The following LAMC1 variants were observed in gnomAD, a reference collection of about 807,000 sequenced individuals.
The protein encoded by LAMC1 is laminin subunit gamma 1, also known as laminin subunit gamma-1.
In LAMC1, 38 loss-of-function variants were observed where a neutral mutation model predicts 173.6. The observed-to-expected ratio is 0.22, with a 90% CI of 0.17 to 0.29. LAMC1 has a LOEUF of 0.29. Among genes scored for constraint, LAMC1 ranks in the 10% least tolerant of loss-of-function variants. LAMC1 has a pLI of 1.00. For missense variants in LAMC1, 1,824 were observed against 2,051.8 expected, an observed-to-expected ratio of 0.89 and a Z score of 2.14; for synonymous variants, 746 against 749.1, an observed-to-expected ratio of 1.00 and a Z score of 0.07.
chr1:183,085,629 C>G (rs1655407253), intron 1 of LAMC1, among the ~76,000 whole-genome samples: 1 of 152,042 alleles, frequency 6.6e-6, no homozygotes. Flanking sequence ...CTTGGCCTCC[C>G]AAAATGCTAG....
chr1:183,094,845 T>G (rs1185687673), intron 1 of LAMC1, among the ~76,000 whole-genome samples: 1 of 151,656 alleles, frequency 6.6e-6, no homozygotes, highest in East Asian at 1.9e-4. Flanking sequence ...ATTGGAGGGG[T>G]TTTTTTGTTT....
chr1:183,137,638 TA>T (rs1558061657), intron 25 of LAMC1, 30 bp from the exon 26 acceptor site: 2 of 1,490,002 alleles, frequency 1.3e-6, no homozygotes, highest in Admixed American at 2.4e-5. Flanking sequence ...AAAGCTTTTT[TA>T]AAAAAAGTAC....
intron 1 of LAMC1, among the ~76,000 whole-genome samples, chr1:183,094,011 A>G (rs1318820137): frequency 6.6e-6 from 1 of 152,180 alleles, no homozygotes; most frequent in African/African-American, 2.4e-5. Context: ...AAAACTCTCC[A>G]GTGGGTTCTC....
At chr1:183,132,648 G>T in intron 21 of LAMC1, 111 bp downstream of exon 21, 1 of 777,768 alleles carries the variant, frequency 1.3e-6, no homozygotes. Flanking sequence ...CATGCAGTAA[G>T]ATTTCCTTTG....
chr1:183,025,478 A>G (rs1377391352), intron 1 of LAMC1, among the ~76,000 whole-genome samples: 5 of 152,226 alleles, frequency 3.3e-5, no homozygotes, highest in African/African-American at 1.2e-4. Flanking sequence ...TGATACTATG[A>G]GGTATCTGTT....
rs1656609280 is a variant in LAMC1, at chr1:183,126,064, A to AT, written c.2802-56_2802-55insT. Reference sequence around the variant, plus strand: ...CAGTGCTATACTAAAAAAAAAAAAAAGTTGTGCTTAAAGTCTGTTTTTCTT... The same window carrying AT: ...CAGTGCTATACTAAAAAAAAAAAAAATGTTGTGCTTAAAGTCTGTTTTTCTT... On this transcript the variant is annotated intron_variant, in intron 15 of 27. Transcript: ENST00000258341. 4 of 1,529,372 alleles carry AT rather than the reference A, an allele frequency of 2.6e-6. No homozygotes were observed. The African/African-American group carries it at 4.3e-5, about 16-fold the overall frequency. 94.7% of individuals were successfully genotyped at this position (1,529,372 alleles called of 1,614,324 possible).
rs1657156370 is a variant in LAMC1 at position 183,142,953 on chromosome 1, A to G, written c.*163A>G. ...AAGTCACAGAGTTTAAAGAGAAGCA[A>G]ATTAAACATCCTGAATCGGGAACAA... On this transcript the variant is annotated 3_prime_UTR_variant, in exon 28 of 28. Transcript: ENST00000258341. The G allele has an allele frequency of 2.9e-6, 2 of 683,352 alleles. No homozygotes were observed. The highest frequency in any genetic ancestry group is 1.8e-5 in the African/African-American group (1 of 55,292). The allele number at this position is 683,352 out of a possible 1,614,324, so 42.3% of individuals were successfully genotyped here.
At chr1:183,092,032 G>A (rs944872798) in intron 1 of LAMC1, among the ~76,000 whole-genome samples, 2 of 152,222 alleles carry the variant, frequency 1.3e-5, no homozygotes, top group Non-Finnish European at 1.5e-5. Flanking sequence ...TGGCTTGGAG[G>A]AAAATGTTGG....
At chr1:183,026,403 T>C (rs1279782782) in intron 1 of LAMC1, among the ~76,000 whole-genome samples, 4 of 151,668 alleles carry the variant, frequency 2.6e-5, no homozygotes, top group Non-Finnish European at 5.9e-5. Context: ...TCTCTTTCTG[T>C]CCTCCCCCCC....
At chr1:183,067,511 C>T (rs1363565588) in intron 1 of LAMC1, among the ~76,000 whole-genome samples, 1 of 151,968 alleles carries the variant, frequency 6.6e-6, no homozygotes, top group African/African-American at 2.4e-5. Context: ...TTTTGAGAGA[C>T]GGAGTCTCGC....
intron 1 of LAMC1, among the ~76,000 whole-genome samples, chr1:183,045,772 T>C (rs2102018873): frequency 6.6e-6 from 1 of 152,234 alleles, no homozygotes; most frequent in Admixed American, 6.5e-5. Context: ...GTTTAGATGC[T>C]CAACTAGCAG....
intron 3 of LAMC1, 68 bp downstream of exon 3, chr1:183,108,474 T>G (rs1656051302): frequency 2.8e-6 from 4 of 1,405,494 alleles, no homozygotes; most frequent in Non-Finnish European, 4.0e-6. Context: ...TCTAGCAACT[T>G]GTTTACAACT....
chr1:183,099,384 C>G (rs527382152), intron 1 of LAMC1, among the ~76,000 whole-genome samples: 3 of 152,244 alleles, frequency 2.0e-5, no homozygotes, highest in African/African-American at 7.2e-5. Context: ...GCTACTGAGC[C>G]CGGCCCATTC....
rs1443030907 is a variant in LAMC1 at position 183,121,896 on chromosome 1, G to T, written c.2164G>T (p.Val722Leu). 3.7e-6 allele frequency: 6 copies of T among 1,614,106 alleles called. No homozygotes were observed. The highest frequency in any genetic ancestry group is 3.3e-5 in the Admixed American group (2 of 60,006). The change falls in exon 12 of 28, where the codon GTG becomes TTG. Residue 722 changes from valine (V) to leucine (L), a missense_variant. Val to Leu is a conservative substitution (Grantham distance 32). Transcript: ENST00000258341. Reference protein sequence around the residue: ...TPNLGPYSPCVLCACNGHSET... With the variant: ...TPNLGPYSPCLLCACNGHSET... Reference sequence around the variant, plus strand: ...TAATCTTGGACCATACAGTCCATGTGTGCTTTGCGCCTGCAATGGACACAG... The same window carrying T: ...TAATCTTGGACCATACAGTCCATGTTTGCTTTGCGCCTGCAATGGACACAG...
At chr1:183,103,276 T>C in intron 1 of LAMC1, 52 bp from the exon 2 acceptor site, 2 of 1,530,236 alleles carry the variant, frequency 1.3e-6, no homozygotes, top group Middle Eastern at 1.7e-4. Context: ...ATAGAGGGCA[T>C]TTGTTTGCTT....
intron 1 of LAMC1, among the ~76,000 whole-genome samples, chr1:183,062,115 T>G (rs1654757662): frequency 6.6e-6 from 1 of 152,208 alleles, no homozygotes; most frequent in African/African-American, 2.4e-5. Context: ...TTTATTGTAT[T>G]TGGTACGTTA....
rs796732672 is a variant in LAMC1, at chr1:183,079,232, G to GTTTTTTTTTTTT, written c.419-24067_419-24056dup. On this transcript the variant is annotated intron_variant, in intron 1 of 27. Coordinates refer to ENST00000258341, the MANE Select transcript of LAMC1 (RefSeq NM_002293.4). ...AAGCAACTTTCTGATCTCTAATCTG[G>GTTTTTTTTTTTT]TTTTTTTTTTTTTTTTTTTTTTTTT... 3.2e-5 allele frequency among the ~76,000 whole-genome samples: 2 copies of GTTTTTTTTTTTT among 62,840 alleles called. 1 individual carries two copies. Among genetic ancestry groups the GTTTTTTTTTTTT allele is most frequent in the Non-Finnish European group, 6.1e-5 (2 of 32,824 alleles). 41.2% of individuals were successfully genotyped at this position (62,840 alleles called of 152,430 possible).
chr1:183,031,190 A>G (rs998248903), intron 1 of LAMC1, among the ~76,000 whole-genome samples: 1 of 152,228 alleles, frequency 6.6e-6, no homozygotes, highest in Non-Finnish European at 1.5e-5. Context: ...TAGTGAAAGG[A>G]CTGTAAATGT....
In LAMC1 at chr1:183,050,503, C is replaced by T. The variant is rs558019869; in HGVS notation, c.418+26369C>T. ...TTCACCACGTTAGCCAGGATGGTCT[C>T]GATCTCCTGACCTCGTGATCTGCCC... On this transcript the variant is annotated intron_variant, in intron 1 of 27. Transcript: ENST00000258341. Among the ~76,000 whole-genome samples, 66 of 146,874 alleles carry T rather than the reference C, an allele frequency of 4.5e-4. No homozygotes were observed. In the South Asian group the frequency reaches 0.014, roughly 32 times the overall value.
Sources: gnomAD v4.1 joint callset for allele counts (sites outside exome capture counted in the v4.1 genomes callset) on GRCh38, gnomAD v4.1.1 for gene constraint, MANE v1.5 for transcripts, NCBI Gene and HGNC (gene_info 2026-07-23, HGNC 2026-07-21) for gene names.